Variants in PCBP3 observed in about 807,000 individuals in gnomAD.
PCBP3 encodes the protein poly(rC) binding protein 3, also known as poly(rC)-binding protein 3.
A neutral mutation model predicts 52.7 loss-of-function variants in PCBP3; 25 were observed. That is an observed-to-expected ratio of 0.47 (90% CI 0.35 to 0.66). PCBP3 has a LOEUF of 0.66. Ranked by LOEUF, PCBP3 falls within the 30% of genes least tolerant of loss-of-function variation. PCBP3 has a pLI of 0.01. For synonymous variants in PCBP3, 162 were observed against 183.0 expected (o/e 0.89, Z 0.93); for missense variants, 391 against 490.3 (o/e 0.80, Z 1.91).
At chr21:45,869,319 TTGAAGGTA>T (rs2094899979) in intron 5 of PCBP3, 1 of 152,242 alleles carries the variant, frequency 6.6e-6, no homozygotes, top group South Asian at 2.1e-4. Context: ...TCGTGGCTGC[TTGAAGGTA>T]TGAAGGTTGT....
intron 10 of PCBP3, among the ~76,000 whole-genome samples, chr21:45,910,686 G>A (rs558672218): frequency 1.3e-5 from 2 of 152,242 alleles, no homozygotes; most frequent in South Asian, 4.1e-4. Context: ...GGTGCCAAGT[G>A]CGCCCGAGGG....
At chr21:45,659,637 C>T (rs568577051) in intron 1 of PCBP3, among the ~76,000 whole-genome samples, 1 of 152,302 alleles carries the variant, frequency 6.6e-6, no homozygotes, top group Non-Finnish European at 1.5e-5. Flanking sequence ...AGGCGTTAGC[C>T]ACTGTGCCTG....
rs1441073362 is a variant in PCBP3, at chr21:45,896,350, G to A, written c.153G>A (p.Leu51=). 6 of 1,551,798 alleles carry A rather than the reference G, an allele frequency of 3.9e-6. No homozygotes were observed. The South Asian group carries it at 7.1e-5, about 18-fold the overall frequency. Reference sequence around the variant, plus strand: ...ATGTGACCCTCACCATCCGCCTGCTGATGCATGGAAAGGTAAGAGGAGCCG... The same window carrying A: ...ATGTGACCCTCACCATCCGCCTGCTAATGCATGGAAAGGTAAGAGGAGCCG... ...GLNVTLTIRL[L]MHGKEVGSII... The change falls in exon 6 of 18, where the codon CTG becomes CTA. Residue 51 remains leucine, a synonymous_variant. Transcript: ENST00000681687.
rs145197975 is a variant in PCBP3 at position 45,746,225 on chromosome 21, T to G, written c.-161-9192T>G. On this transcript the variant is annotated intron_variant, in intron 3 of 17. Coordinates refer to ENST00000681687, the MANE Select transcript of PCBP3 (RefSeq NM_001384156.1). ...GTCCATTGACGTAGCGCACACGGTG[T>G]TGTCAGCATCGCCGTGTCAGTCCAT... Among the ~76,000 whole-genome samples the G allele has an allele frequency of 3.3e-3, 238 of 73,130 alleles. 1 individual carries two copies. Among genetic ancestry groups the G allele is most frequent in the East Asian group, 0.011 (22 of 2,054 alleles). The allele number at this position is 73,130 out of a possible 152,430, so 48.0% of individuals were successfully genotyped here.
intron 4 of PCBP3, among the ~76,000 whole-genome samples, chr21:45,840,910 C>T (rs777089669): frequency 1.2e-4 from 19 of 152,266 alleles, no homozygotes; most frequent in South Asian, 2.1e-4. Context: ...CCACTGCACC[C>T]GGCCTTTTAA....
chr21:45,785,673 T>C (rs1385923896), intron 4 of PCBP3, among the ~76,000 whole-genome samples: 2 of 152,082 alleles, frequency 1.3e-5, no homozygotes, highest in Non-Finnish European at 2.9e-5. Context: ...ATGACAGTGG[T>C]GGTTTTGTGG....
At chr21:45,846,236 A>G (rs1298815185) in intron 4 of PCBP3, among the ~76,000 whole-genome samples, 1 of 152,250 alleles carries the variant, frequency 6.6e-6, no homozygotes, top group Non-Finnish European at 1.5e-5. Context: ...TGATAGATAT[A>G]CATCATGAAC....
chr21:45,766,685 A>G (rs1198100637), intron 4 of PCBP3, among the ~76,000 whole-genome samples: 3 of 152,174 alleles, frequency 2.0e-5, no homozygotes, highest in Non-Finnish European at 4.4e-5. Context: ...GCAGATGCCC[A>G]CAGATGTCCC....
At chr21:45,936,725 G>C (rs1219381834) in intron 16 of PCBP3, among the ~76,000 whole-genome samples, 3 of 152,198 alleles carry the variant, frequency 2.0e-5, no homozygotes, top group Admixed American at 2.0e-4. Context: ...CACCAGGTTT[G>C]GTGCTCTTAT....
rs564837463 is a variant in PCBP3 at position 45,928,424 on chromosome 21, C to T, written c.718-1493C>T. On this transcript the variant is annotated intron_variant, in intron 13 of 17. Transcript: ENST00000681687. The surrounding 1 kb of genome is among the most constrained non-coding windows in gnomAD (Gnocchi z 4.1). ...CCCGATCCTCCCAGGGTACTAGGTA[C>T]TGAGGAAGGAAGGGCCTTTATCTTG... Among the ~76,000 whole-genome samples the T allele has an allele frequency of 6.6e-6, 1 of 152,272 alleles. No individual in the cohort carries two copies. The highest frequency in any genetic ancestry group is 1.5e-5 in the Non-Finnish European group (1 of 67,992).
In PCBP3 at chr21:45,865,987, G is replaced by C. The variant is rs574718031; in HGVS notation, c.10+15892G>C. Among the ~76,000 whole-genome samples the C allele has an allele frequency of 7.2e-5, 11 of 152,354 alleles. No homozygotes were observed. In the East Asian group the frequency reaches 2.1e-3, roughly 29 times the overall value. ...GACCCCCGCATGGACTGGACCATCTGTGGGCAGAGCCAGCAGGCTTGGCCT... is the reference window on the plus strand; with the variant it reads ...GACCCCCGCATGGACTGGACCATCTCTGGGCAGAGCCAGCAGGCTTGGCCT... On this transcript the variant is annotated intron_variant, in intron 5 of 17. Transcript: ENST00000681687.
At chr21:45,876,138 G>A (rs544121854) in intron 5 of PCBP3, among the ~76,000 whole-genome samples, 2 of 152,324 alleles carry the variant, frequency 1.3e-5, no homozygotes, top group Non-Finnish European at 2.9e-5. Context: ...CCGATGGAGC[G>A]GTCAGGGGCC....
chr21:45,824,595 C>T (rs963968120), intron 4 of PCBP3, among the ~76,000 whole-genome samples: 2 of 152,208 alleles, frequency 1.3e-5, no homozygotes, highest in East Asian at 1.9e-4. Context: ...AGCTCTCAGC[C>T]CTCCCTGCCC....
At chr21:45,924,290 TGCGAACACCGGGAACA>T (rs1259524211) in intron 13 of PCBP3, among the ~76,000 whole-genome samples, 17 of 143,490 alleles carry the variant, frequency 1.2e-4, no homozygotes, top group African/African-American at 2.6e-4. Flanking sequence ...CGTGAGGAGA[TGCGAACACCGGGAACA>T]GTCGCGTGGG....
chr21:45,743,919 T>C (rs1052358258), intron 3 of PCBP3, among the ~76,000 whole-genome samples: 4 of 152,114 alleles, frequency 2.6e-5, no homozygotes, highest in Non-Finnish European at 4.4e-5. Context: ...TTCGATAGAA[T>C]TCTACCTTTA....
At chr21:45,720,910 T>C (rs541007348) in intron 2 of PCBP3, among the ~76,000 whole-genome samples, 1 of 152,366 alleles carries the variant, frequency 6.6e-6, no homozygotes, top group Non-Finnish European at 1.5e-5. Context: ...ACAAGAATAT[T>C]ACTTATTCTC....
chr21:45,849,868 G>A (rs2093927015), intron 4 of PCBP3, 93 bp from the exon 5 acceptor site: 6 of 584,534 alleles, frequency 1.0e-5, no homozygotes, highest in Non-Finnish European at 1.9e-5. Context: ...TGACTGCTGT[G>A]TTGAAGGCAA....
intron 5 of PCBP3, among the ~76,000 whole-genome samples, chr21:45,878,778 G>A (rs914067012): frequency 6.6e-6 from 1 of 152,166 alleles, no homozygotes; most frequent in Non-Finnish European, 1.5e-5. Flanking sequence ...AGGACAACTC[G>A]ACGTCCGTAC....
chr21:45,804,795 G>A (rs1374499797), intron 4 of PCBP3, among the ~76,000 whole-genome samples: 1 of 152,090 alleles, frequency 6.6e-6, no homozygotes, highest in East Asian at 1.9e-4. Flanking sequence ...TTTCACCTTG[G>A]GCCTGTCCTT....
Sources: allele counts gnomAD v4.1 joint callset (sites outside exome capture counted in the v4.1 genomes callset), GRCh38; gene constraint gnomAD v4.1.1; non-coding constraint Gnocchi (gnomAD v3.1); transcripts MANE v1.5; gene names NCBI Gene and HGNC (gene_info 2026-07-23, HGNC 2026-07-21).